The following PIWIL2 variants were observed in gnomAD, a reference collection of about 807,000 sequenced individuals.
The protein encoded by PIWIL2 is piwi-like protein 2.
A neutral mutation model predicts 116.5 loss-of-function variants in PIWIL2; 81 were observed. The observed-to-expected ratio is 0.70, with a 90% CI of 0.58 to 0.84. The LOEUF (loss-of-function observed/expected upper bound fraction) is 0.84, where lower values mean the gene tolerates loss of function less well. Among genes scored for constraint, PIWIL2 ranks in the 40% least tolerant of loss-of-function variants. The pLI is 0.00. For synonymous variants in PIWIL2, 489 were observed against 429.5 expected (o/e 1.14, Z -1.71); for missense variants, 1,272 against 1,212.3 (o/e 1.05, Z -0.73).
Position 22,284,212 on chromosome 8 carries a change from T to C in PIWIL2, c.683T>C (p.Leu228Pro). ...GSKGTPQSLG[L>P]NLVKIQCHNE... ...AAAGGAACACCTCAGTCTTTGGGAC[T>C]GAACCTCGTCAAAATACAGTGTCAT... is the stretch of plus-strand genomic sequence containing the variant. The change falls in exon 6 of 23, where the codon CTG becomes CCG. Residue 228 changes from leucine (L) to proline (P), a missense_variant. Physicochemically the swap from Leu to Pro is moderately conservative, Grantham distance 98 (BLOSUM62 -3). Transcript: ENST00000356766. 2.5e-6 allele frequency: 4 copies of C among 1,607,920 alleles called. No homozygotes were observed. Among genetic ancestry groups the C allele is most frequent in the Non-Finnish European group, 3.4e-6 (4 of 1,177,252 alleles).
At chr8:22,284,469 G>A (rs937839545) in intron 6 of PIWIL2, among the ~76,000 whole-genome samples, 197 bp downstream of exon 6, 5 of 152,108 alleles carry the variant, frequency 3.3e-5, no homozygotes, top group Admixed American at 6.5e-5. Flanking sequence ...TACCAATCTC[G>A]ATTTTAACTT....
chr8:22,346,863 A>T (rs963764524), intron 20 of PIWIL2, among the ~76,000 whole-genome samples: 1 of 152,104 alleles, frequency 6.6e-6, no homozygotes, highest in African/African-American at 2.4e-5. Flanking sequence ...CTTGGGCAAC[A>T]TAGCAAGATC....
intron 20 of PIWIL2, among the ~76,000 whole-genome samples, chr8:22,339,424 C>T (rs1832055479): frequency 6.6e-6 from 1 of 152,066 alleles, no homozygotes; most frequent in Non-Finnish European, 1.5e-5. Flanking sequence ...AGGAGAATCA[C>T]TTGAACCAGG....
rs900612779 is a variant in PIWIL2 at position 22,325,572 on chromosome 8, C to T, written c.2403+7297C>T. On this transcript the variant is annotated intron_variant, in intron 20 of 22. Transcript: ENST00000356766. Reference sequence around the variant, plus strand: ...GATCTCCATTCACTGCAACCTCCACCTCCCAGGTTCAAGTGATTCTCCTGT... The same window carrying T: ...GATCTCCATTCACTGCAACCTCCACTTCCCAGGTTCAAGTGATTCTCCTGT... Among the ~76,000 whole-genome samples, 3 of 149,258 alleles carry T rather than the reference C, an allele frequency of 2.0e-5. No homozygotes were observed. In the Admixed American group the frequency reaches 2.0e-4, roughly 10 times the overall value.
intron 20 of PIWIL2, among the ~76,000 whole-genome samples, chr8:22,332,743 AAAT>A (rs1406545264): frequency 3.3e-5 from 5 of 152,258 alleles, no homozygotes; most frequent in Admixed American, 3.3e-4. Flanking sequence ...TAGCCACTGA[AAAT>A]AACTTTCACT....
At chr8:22,282,147 C>A (rs1281196652) in intron 4 of PIWIL2, among the ~76,000 whole-genome samples, 1 of 132,762 alleles carries the variant, frequency 7.5e-6, no homozygotes, top group African/African-American at 2.9e-5. Flanking sequence ...GTGGGGCAAT[C>A]TTGGCTCACT....
Position 22,355,594 on chromosome 8 carries a change from G to A in PIWIL2, c.*89G>A. The A allele has an allele frequency of 3.4e-6, 4 of 1,186,466 alleles. No individual in the cohort carries two copies. In the South Asian group the frequency reaches 5.4e-5, roughly 16 times the overall value. 73.5% of individuals were successfully genotyped at this position (1,186,466 alleles called of 1,614,324 possible). A position where few individuals can be genotyped will look rare whatever the true frequency, so the allele number is the denominator to read the frequency against. On this transcript the variant is annotated 3_prime_UTR_variant, in exon 23 of 23. Coordinates refer to ENST00000356766, the MANE Select transcript of PIWIL2 (RefSeq NM_018068.5). ...GCAGAATCAACAGAGACTGAAGTGG[G>A]CTTTTGTGTTATAATTTTCCCTTTC... is the stretch of plus-strand genomic sequence containing the variant.
intron 16 of PIWIL2, among the ~76,000 whole-genome samples, chr8:22,312,027 G>A (rs1831344644): frequency 6.6e-6 from 1 of 152,058 alleles, no homozygotes; most frequent in Non-Finnish European, 1.5e-5. Flanking sequence ...ACGTTGGGAT[G>A]CTGAGGTGGG....
chr8:22,351,633 G>A (rs372389822), intron 20 of PIWIL2, among the ~76,000 whole-genome samples: 62 of 150,292 alleles, frequency 4.1e-4, no homozygotes, highest in African/African-American at 1.5e-3. Flanking sequence ...CACCTCCCAG[G>A]TTCAAGCAAT....
chr8:22,275,966 G>C (rs1830358275), intron 1 of PIWIL2: 1 of 152,286 alleles, frequency 6.6e-6, no homozygotes, highest in South Asian at 2.1e-4. Flanking sequence ...TGGAGGTTGA[G>C]GGAAGCGTGG....
At chr8:22,336,182 A>G (rs1285626763) in intron 20 of PIWIL2, among the ~76,000 whole-genome samples, 1 of 152,182 alleles carries the variant, frequency 6.6e-6, no homozygotes, top group African/African-American at 2.4e-5. Context: ...TCCACCCAGC[A>G]ACCACATACA....
At chr8:22,353,259 T>C (rs1434239765) in intron 21 of PIWIL2, 47 bp downstream of exon 21, 1 of 1,538,814 alleles carries the variant, frequency 6.5e-7, no homozygotes, top group Admixed American at 1.7e-5. Context: ...AAGTTGGAGA[T>C]GTTGTCACTT....
At chr8:22,298,789 C>G (rs1303674138) in intron 10 of PIWIL2, among the ~76,000 whole-genome samples, 2 of 152,220 alleles carry the variant, frequency 1.3e-5, no homozygotes, top group Non-Finnish European at 1.5e-5. Flanking sequence ...GGATTGCAGA[C>G]TTGCAGATGG....
intron 10 of PIWIL2, among the ~76,000 whole-genome samples, chr8:22,298,509 C>T (rs1038330251): frequency 3.9e-5 from 6 of 152,120 alleles, no homozygotes; most frequent in Admixed American, 3.9e-4. Flanking sequence ...ACTAGTCACA[C>T]CTCAGATGGT....
Position 22,352,962 on chromosome 8 carries a change from A to G in PIWIL2, c.2407A>G (p.Asn803Asp), listed in dbSNP as rs1441735284. 2 of 1,609,858 alleles carry G rather than the reference A, an allele frequency of 1.2e-6. No individual in the cohort carries two copies. The highest frequency in any genetic ancestry group is 2.7e-5 in the African/African-American group (2 of 74,844). Residue 803 changes from asparagine (N) to aspartate (D), a missense_variant, in exon 21 of 23, where the codon AAC becomes GAC. Asn to Asp is a conservative substitution (Grantham distance 23). Transcript: ENST00000356766. ...CACATCCTCGCTGTCATTTCAGGTG[A>G]ACCACTGTCTACCAGAGAAGATTGT... ...VGSLKKFYEV[N>D]HCLPEKIVVY...
chr8:22,286,677 A>C (rs1005410439), intron 6 of PIWIL2, among the ~76,000 whole-genome samples: 5 of 152,182 alleles, frequency 3.3e-5, no homozygotes, highest in Non-Finnish European at 7.3e-5. Flanking sequence ...GCCGGAGTGC[A>C]GTGGCACAGT....
At chr8:22,337,361 TCAATC>T (rs1401357401) in intron 20 of PIWIL2, among the ~76,000 whole-genome samples, 12 of 152,238 alleles carry the variant, frequency 7.9e-5, no homozygotes, top group African/African-American at 2.6e-4. Context: ...ACTAGAATGA[TCAATC>T]CAAAAATGGA....
intron 22 of PIWIL2, among the ~76,000 whole-genome samples, chr8:22,354,939 G>A (rs760588986): frequency 2.0e-5 from 3 of 151,936 alleles, no homozygotes; most frequent in East Asian, 1.9e-4. Flanking sequence ...GTGTGGTGGC[G>A]CATGCCTATA....
At chr8:22,321,850 G>A in intron 20 of PIWIL2, 1 of 984,892 alleles carries the variant, frequency 1.0e-6, no homozygotes, top group Non-Finnish European at 1.2e-6. Context: ...CCCTAGGAAT[G>A]GCAGTAACCA....
Sources: gnomAD v4.1 joint callset for allele counts (sites outside exome capture counted in the v4.1 genomes callset) on GRCh38, gnomAD v4.1.1 for gene constraint, MANE v1.5 for transcripts, NCBI Gene and HGNC (gene_info 2026-07-23, HGNC 2026-07-21) for gene names.